Variants in NUDT9 observed in about 807,000 individuals in gnomAD.
NUDT9 encodes ADP-ribose pyrophosphatase.
Under a neutral mutation model 41.0 loss-of-function variants are expected in NUDT9, and 31 were observed. The ratio of observed to expected loss-of-function variants is 0.76; its 90% CI spans 0.57 to 1.02. The LOEUF is 1.02. NUDT9 is among the 50% of genes least tolerant of loss of function. The pLI is 0.00. For synonymous variants in NUDT9, 146 were observed against 147.6 expected, an observed-to-expected ratio of 0.99 and a Z score of 0.08; for missense variants, 380 against 431.4, an observed-to-expected ratio of 0.88 and a Z score of 1.06.
chr4:87,454,530 A>G, intron 7 of NUDT9, 75 bp downstream of exon 7: 1 of 969,214 alleles, frequency 1.0e-6, no homozygotes, highest in Non-Finnish European at 1.7e-6. Context: ...GCATGATTAA[A>G]TCTGGACTAT....
At chr4:87,430,451 T>TC (rs1721637010) in intron 1 of NUDT9, among the ~76,000 whole-genome samples, 2 of 152,238 alleles carry the variant, frequency 1.3e-5, no homozygotes, top group South Asian at 4.1e-4. Context: ...CTTATTTATT[T>TC]TTTATGTCAT....
chr4:87,442,035 A>G (rs931959758), intron 4 of NUDT9, 120 bp downstream of exon 4: 8 of 655,738 alleles, frequency 1.2e-5, no homozygotes, highest in Non-Finnish European at 2.1e-5. Context: ...ATGTGTTTGT[A>G]TATATATGTA....
At chr4:87,457,773 T>C in intron 7 of NUDT9, 70 bp from the exon 8 acceptor site, 1 of 1,362,314 alleles carries the variant, frequency 7.3e-7, no homozygotes, top group Non-Finnish European at 1.0e-6. Context: ...TAAATAAGAA[T>C]ACTTGACGAC....
At position 87,438,383 on chromosome 4, in the gene NUDT9, G is replaced by T. The variant is rs370980749; in HGVS notation, c.443+11G>T. On this transcript the variant is annotated intron_variant, in intron 3 of 7. Coordinates refer to ENST00000302174, the MANE Select transcript of NUDT9 (RefSeq NM_024047.5). Reference sequence around the variant, plus strand: ...AAATGGAAGACCGAGGTAGGTACTGGGAGCAGAGCATCTTACAATAATGAG... The same window carrying T: ...AAATGGAAGACCGAGGTAGGTACTGTGAGCAGAGCATCTTACAATAATGAG... 6 of 1,476,494 alleles carry T rather than the reference G, an allele frequency of 4.1e-6. No homozygotes were observed. Among genetic ancestry groups the T allele is most frequent in the African/African-American group, 1.4e-5 (1 of 72,184 alleles). 91.5% of individuals were successfully genotyped at this position (1,476,494 alleles called of 1,614,324 possible). A position where few individuals can be genotyped will look rare whatever the true frequency, so the allele number is the denominator to read the frequency against.
chr4:87,424,490 T>C (rs1187624889), intron 1 of NUDT9, among the ~76,000 whole-genome samples: 1 of 152,092 alleles, frequency 6.6e-6, no homozygotes, highest in Non-Finnish European at 1.5e-5. Context: ...TCTTGAACTC[T>C]TGACCTCGTG....
At chr4:87,435,442 G>A (rs1332832433) in intron 2 of NUDT9, among the ~76,000 whole-genome samples, 2 of 152,132 alleles carry the variant, frequency 1.3e-5, no homozygotes, top group Non-Finnish European at 2.9e-5. Context: ...AGTTAAATCT[G>A]TTTTGATTTG....
At position 87,422,816 on chromosome 4, in the gene NUDT9, C is replaced by G. The variant is rs1052174886; in HGVS notation, c.-90C>G. On this transcript the variant is annotated 5_prime_UTR_variant, in exon 1 of 8. Coordinates refer to ENST00000302174, the MANE Select transcript of NUDT9 (RefSeq NM_024047.5). ...CAGGTCCTAGTGCCCATCAGATACC[C>G]GCGGCCGGGACTCGGAGCTGTGGGG... The G allele has an allele frequency of 1.1e-6, 1 of 951,016 alleles. No homozygotes were observed. Among genetic ancestry groups the G allele is most frequent in the Non-Finnish European group, 1.6e-6 (1 of 623,162 alleles). The allele number at this position is 951,016 out of a possible 1,614,324, so 58.9% of individuals were successfully genotyped here. A position where few individuals can be genotyped will look rare whatever the true frequency, so the allele number is the denominator to read the frequency against.
intron 6 of NUDT9, among the ~76,000 whole-genome samples, chr4:87,454,161 C>T (rs917204232): frequency 4.6e-5 from 7 of 152,156 alleles, no homozygotes; most frequent in Non-Finnish European, 8.8e-5. Context: ...CCGCGCCCGG[C>T]TATTTACATT....
intron 5 of NUDT9, among the ~76,000 whole-genome samples, chr4:87,449,519 C>A (rs963374181): frequency 6.6e-6 from 1 of 152,026 alleles, no homozygotes; most frequent in African/African-American, 2.4e-5. Context: ...GTGTTCTGGC[C>A]GTTCTACTTG....
intron 1 of NUDT9, among the ~76,000 whole-genome samples, chr4:87,430,329 C>T (rs748281594): frequency 3.3e-5 from 5 of 152,198 alleles, no homozygotes; most frequent in Non-Finnish European, 7.3e-5. Context: ...GGACTTCTAA[C>T]CTACAAAACT....
chr4:87,441,938 T>C, intron 4 of NUDT9, 23 bp downstream of exon 4: 2 of 1,552,102 alleles, frequency 1.3e-6, no homozygotes, highest in Non-Finnish European at 1.8e-6. Context: ...AAAAAGCATA[T>C]CAGTAGCAAA....
intron 5 of NUDT9, among the ~76,000 whole-genome samples, chr4:87,450,338 C>T (rs1209153804): frequency 1.3e-5 from 2 of 150,728 alleles, no homozygotes; most frequent in Non-Finnish European, 2.9e-5. Flanking sequence ...GGATCTCAGC[C>T]GACTCTGATA....
chr4:87,453,720 G>A (rs1281752754), intron 6 of NUDT9, among the ~76,000 whole-genome samples: 1 of 152,024 alleles, frequency 6.6e-6, no homozygotes, highest in South Asian at 2.1e-4. Flanking sequence ...GAGCCACCAC[G>A]CCTGGCCTGA....
chr4:87,458,826 A>G lies in NUDT9; in HGVS notation c.*805A>G, dbSNP rs1292307664. The G allele has an allele frequency of 6.6e-6, 1 of 152,262 alleles. No homozygotes were observed. Among genetic ancestry groups the G allele is most frequent in the African/African-American group, 2.4e-5 (1 of 41,470 alleles). The allele number at this position is 152,262 out of a possible 1,614,324, so 9.4% of individuals were successfully genotyped here. A position where few individuals can be genotyped will look rare whatever the true frequency, so the allele number is the denominator to read the frequency against. On this transcript the variant is annotated 3_prime_UTR_variant, in exon 8 of 8. Coordinates refer to ENST00000302174, the MANE Select transcript of NUDT9 (RefSeq NM_024047.5). ...CAGATGCTAGTGAGGTTGTAGAGAA[A>G]AAGGAATGCTTATACGCTGTTAGTG...
chr4:87,438,516 C>T (rs1722057033), intron 3 of NUDT9, 144 bp downstream of exon 3: 2 of 465,960 alleles, frequency 4.3e-6, no homozygotes, highest in African/African-American at 3.9e-5. Context: ...CACAATAACC[C>T]TGTTGGTGGA....
Position 87,449,453 on chromosome 4 carries a change from G to A in NUDT9, c.642+200G>A, listed in dbSNP as rs555689505. ...ATAATCCAAGACTGTTAGAATCTGC[G>A]TGTAATTCTGACACCTTTGGGAAAT... On this transcript the variant is annotated intron_variant, in intron 5 of 7. Coordinates refer to ENST00000302174, the MANE Select transcript of NUDT9 (RefSeq NM_024047.5). Among the ~76,000 whole-genome samples, 20 of 152,246 alleles carry A rather than the reference G, an allele frequency of 1.3e-4. No homozygotes were observed. In the South Asian group the frequency reaches 2.9e-3, roughly 22 times the overall value.
chr4:87,454,334 T>G, intron 6 of NUDT9, 37 bp from the exon 7 acceptor site: 3 of 1,234,942 alleles, frequency 2.4e-6, no homozygotes, highest in Non-Finnish European at 3.6e-6. Context: ...TCACTACACC[T>G]TGGACTTTTA....
intron 1 of NUDT9, among the ~76,000 whole-genome samples, chr4:87,432,446 C>T (rs1008406747): frequency 2.0e-5 from 3 of 152,148 alleles, no homozygotes; most frequent in Admixed American, 6.5e-5. Flanking sequence ...ACCAGTTTTA[C>T]TTCTTCCTTT....
chr4:87,447,230 G>A (rs1484071974), intron 4 of NUDT9, among the ~76,000 whole-genome samples: 4 of 152,064 alleles, frequency 2.6e-5, no homozygotes, highest in Non-Finnish European at 5.9e-5. Context: ...AAAAACAGAT[G>A]TGCCCTCTTG....
Sources: allele counts gnomAD v4.1 joint callset (sites outside exome capture counted in the v4.1 genomes callset), GRCh38; gene constraint gnomAD v4.1.1; transcripts MANE v1.5; gene names NCBI Gene and HGNC (gene_info 2026-07-23, HGNC 2026-07-21).